The following LYPLAL1 variants were observed in gnomAD, a reference collection of about 807,000 sequenced individuals.
LYPLAL1 encodes the protein lysophospholipase-like protein 1.
In LYPLAL1, 23 loss-of-function variants were observed where a neutral mutation model predicts 19.7. The observed-to-expected ratio is 1.17, with a 90% CI of 0.84 to 1.65. The LOEUF is 1.65. Ranked by LOEUF, LYPLAL1 falls within the 40% of genes most tolerant of loss-of-function variation. The pLI is 0.00. For missense variants in LYPLAL1, 355 were observed against 279.4 expected, an observed-to-expected ratio of 1.27 and a Z score of -1.93; for synonymous variants, 119 against 96.3, an observed-to-expected ratio of 1.24 and a Z score of -1.38.
chr1:219,210,036 C>G (rs1446918663), intron 3 of LYPLAL1, among the ~76,000 whole-genome samples: 1 of 151,942 alleles, frequency 6.6e-6, no homozygotes, highest in Non-Finnish European at 1.5e-5. Flanking sequence ...TGTTAACTAG[C>G]TCCTCAAATT....
the LYPLAL1 span, among the ~76,000 whole-genome samples, chr1:219,373,022 C>T: frequency 6.6e-6 from 1 of 152,140 alleles, no homozygotes; most frequent in South Asian, 2.1e-4. Flanking sequence ...GTCCTAAAGG[C>T]AAAAATAACT....
At chr1:219,213,356 G>C (rs1572221781), downstream of LYPLAL1, among the ~76,000 whole-genome samples, 1 of 150,316 alleles carries the variant, frequency 6.7e-6, no homozygotes, top group Non-Finnish European at 1.5e-5. Context: ...GGTAGAGTAA[G>C]TCCTCTCAGT....
chr1:219,411,031 A>G, the LYPLAL1 span, among the ~76,000 whole-genome samples: 2 of 152,198 alleles, frequency 1.3e-5, no homozygotes, highest in Non-Finnish European at 2.9e-5. Context: ...GGGCTGAGGA[A>G]TGCGAGCGCA....
chr1:219,276,340 G>A, the LYPLAL1 span, among the ~76,000 whole-genome samples: 1 of 151,718 alleles, frequency 6.6e-6, no homozygotes, highest in Admixed American at 6.6e-5. Context: ...AGGCAGCAGC[G>A]GTACACAAGG....
the LYPLAL1 span, among the ~76,000 whole-genome samples, chr1:219,325,941 C>T: frequency 6.6e-6 from 1 of 152,146 alleles, no homozygotes; most frequent in African/African-American, 2.4e-5. Flanking sequence ...TAGGAATCAC[C>T]TAAATGATGC....
the LYPLAL1 span, among the ~76,000 whole-genome samples, chr1:219,224,230 A>G: frequency 6.6e-6 from 1 of 152,210 alleles, no homozygotes; most frequent in African/African-American, 2.4e-5. Context: ...CACAACATGA[A>G]CTAACTGGCA....
chr1:219,269,260 A>T, the LYPLAL1 span, among the ~76,000 whole-genome samples: 1 of 152,216 alleles, frequency 6.6e-6, no homozygotes, highest in Non-Finnish European at 1.5e-5. Context: ...TGTGTTAGCT[A>T]ACTGCTTTTG....
chr1:219,327,822 T>G, the LYPLAL1 span, among the ~76,000 whole-genome samples: 1 of 152,148 alleles, frequency 6.6e-6, no homozygotes, highest in African/African-American at 2.4e-5. Flanking sequence ...TCATTCTCTC[T>G]TTGCCTGCCA....
At chr1:219,344,756 ACTT>A in the LYPLAL1 span, among the ~76,000 whole-genome samples, 2 of 152,094 alleles carry the variant, frequency 1.3e-5, 1 homozygote, top group Non-Finnish European at 2.9e-5. Flanking sequence ...GTTCTCCTTG[ACTT>A]CTTCTATTTT....
chr1:219,304,822 A>G, the LYPLAL1 span, among the ~76,000 whole-genome samples: 1 of 152,216 alleles, frequency 6.6e-6, no homozygotes, highest in Non-Finnish European at 1.5e-5. Context: ...AGGCTAGTCT[A>G]CACAAGGTCA....
chr1:219,197,806 G>T (rs1197907028), intron 3 of LYPLAL1, among the ~76,000 whole-genome samples: 1 of 152,078 alleles, frequency 6.6e-6, no homozygotes, highest in Admixed American at 6.5e-5. Context: ...ATTAAAAGGT[G>T]GGCAAAGTAC....
the LYPLAL1 span, among the ~76,000 whole-genome samples, chr1:219,373,882 C>A: frequency 0.05 from 5,903 of 118,054 alleles, 173 homozygotes; most frequent in African/African-American, 0.079. Flanking sequence ...AAAAAAAAAA[C>A]AAAAAAAAAA....
the LYPLAL1 span, among the ~76,000 whole-genome samples, chr1:219,383,289 G>A: frequency 6.6e-6 from 1 of 152,194 alleles, no homozygotes; most frequent in Non-Finnish European, 1.5e-5. Context: ...GATATGAAAA[G>A]CACCAAATCC....
At chr1:219,293,865 C>G in the LYPLAL1 span, among the ~76,000 whole-genome samples, 1 of 152,092 alleles carries the variant, frequency 6.6e-6, no homozygotes. Context: ...GAAAGGATGC[C>G]CTTGGAAAGA....
At chr1:219,433,482 A>G in the LYPLAL1 span, among the ~76,000 whole-genome samples, 2 of 152,222 alleles carry the variant, frequency 1.3e-5, no homozygotes, top group African/African-American at 4.8e-5. Flanking sequence ...ACTACATTAA[A>G]TCCTTCTTCC....
chr1:219,331,415 C>T, the LYPLAL1 span, among the ~76,000 whole-genome samples: 2 of 152,148 alleles, frequency 1.3e-5, no homozygotes, highest in Non-Finnish European at 2.9e-5. Flanking sequence ...TTGGTCTTCA[C>T]TAAGCAATGC....
the LYPLAL1 span, among the ~76,000 whole-genome samples, chr1:219,423,214 T>C: frequency 6.6e-6 from 1 of 152,158 alleles, no homozygotes; most frequent in East Asian, 1.9e-4. Flanking sequence ...TTCTTCTTCA[T>C]ACAGTGTTCT....
At chr1:219,319,941 C>T in the LYPLAL1 span, among the ~76,000 whole-genome samples, 1 of 152,108 alleles carries the variant, frequency 6.6e-6, no homozygotes, top group Admixed American at 6.5e-5. Context: ...AGTCACAGTC[C>T]CACCTGAATA....
chr1:219,182,470 A>G (rs1656371785), intron 2 of LYPLAL1, among the ~76,000 whole-genome samples: 1 of 152,048 alleles, frequency 6.6e-6, no homozygotes, highest in Admixed American at 6.6e-5. Context: ...TGCTAATAAG[A>G]GAGATTCTGG....
Sources: gnomAD v4.1 joint callset for allele counts (sites outside exome capture counted in the v4.1 genomes callset) on GRCh38, gnomAD v4.1.1 for gene constraint, MANE v1.5 for transcripts, NCBI Gene and HGNC (gene_info 2026-07-23, HGNC 2026-07-21) for gene names.